The following NCOA2 variants were observed in gnomAD, a reference collection of about 807,000 sequenced individuals.
The protein encoded by NCOA2 is nuclear receptor coactivator 2, also known as class E basic helix-loop-helix protein 75.
In NCOA2, 21 loss-of-function variants were observed where a neutral mutation model predicts 145.1. That is an observed-to-expected ratio of 0.14 (90% CI 0.10 to 0.21). The LOEUF is 0.21. Among genes scored for constraint, NCOA2 ranks in the 10% least tolerant of loss-of-function variants. NCOA2 has a pLI of 1.00. For synonymous variants in NCOA2, 619 were observed against 637.5 expected, an observed-to-expected ratio of 0.97 and a Z score of 0.44; for missense variants, 1,472 against 1,837.6, an observed-to-expected ratio of 0.80 and a Z score of 3.64.
chr8:70,148,747 T>C (rs141469212), intron 11 of NCOA2, among the ~76,000 whole-genome samples: 4 of 152,344 alleles, frequency 2.6e-5, no homozygotes, highest in East Asian at 3.9e-4. Flanking sequence ...TCTTCCAGCA[T>C]TGTGATTTAT....
chr8:70,116,289 C>A (rs553647425), intron 22 of NCOA2, among the ~76,000 whole-genome samples: 1 of 151,792 alleles, frequency 6.6e-6, no homozygotes, highest in African/African-American at 2.4e-5. Flanking sequence ...CAGTGGCTCA[C>A]GCCTGTAATC....
chr8:70,442,147 GAAAGAAAGAAAGA>G, the NCOA2 span, among the ~76,000 whole-genome samples: 1 of 135,450 alleles, frequency 7.4e-6, no homozygotes, highest in African/African-American at 3.3e-5. Context: ...AAGAAAGAAA[GAAAGAAAGAAAGA>G]AAGAGAAAGG....
the NCOA2 span, among the ~76,000 whole-genome samples, chr8:70,440,697 A>G: frequency 1.3e-5 from 2 of 151,652 alleles, no homozygotes; most frequent in South Asian, 4.2e-4. Flanking sequence ...GAGAAAGAGG[A>G]AAGAAAGAAA....
At chr8:70,127,563 G>A (rs1808572992) in intron 18 of NCOA2, among the ~76,000 whole-genome samples, 1 of 152,166 alleles carries the variant, frequency 6.6e-6, no homozygotes, top group South Asian at 2.1e-4. Flanking sequence ...GTGGAGGGTG[G>A]AGAGGGAGGA....
intron 1 of NCOA2, among the ~76,000 whole-genome samples, chr8:70,383,933 C>G (rs1335921035): frequency 6.6e-6 from 1 of 152,232 alleles, no homozygotes; most frequent in Admixed American, 6.5e-5. Flanking sequence ...AAATATCTCA[C>G]CTTTCCCTGT....
At chr8:70,290,597 G>C (rs1826597253) in intron 2 of NCOA2, among the ~76,000 whole-genome samples, 1 of 152,046 alleles carries the variant, frequency 6.6e-6, no homozygotes, top group African/African-American at 2.4e-5. Flanking sequence ...AAAGCTTACT[G>C]TTAATTTCTC....
intron 2 of NCOA2, among the ~76,000 whole-genome samples, chr8:70,287,736 T>C (rs924827945): frequency 4.6e-5 from 7 of 152,202 alleles, no homozygotes; most frequent in Admixed American, 3.3e-4. Context: ...TCTGATAAAA[T>C]AGGCAATTTA....
chr8:70,234,962 A>C (rs1563660742), intron 2 of NCOA2, among the ~76,000 whole-genome samples: 1 of 152,282 alleles, frequency 6.6e-6, no homozygotes, highest in South Asian at 2.1e-4. Flanking sequence ...CAATCCATCA[A>C]TTCTACCTCC....
intron 2 of NCOA2, among the ~76,000 whole-genome samples, chr8:70,242,968 T>C (rs528068516): frequency 3.3e-5 from 5 of 152,100 alleles, no homozygotes; most frequent in Non-Finnish European, 7.4e-5. Flanking sequence ...ATTTGCAAGC[T>C]AGACATCTGG....
At chr8:70,251,596 T>C (rs2134748458) in intron 2 of NCOA2, among the ~76,000 whole-genome samples, 1 of 152,370 alleles carries the variant, frequency 6.6e-6, no homozygotes, top group Admixed American at 6.5e-5. Context: ...AGTCATCTGT[T>C]AACCAGAGTT....
chr8:70,143,142 G>C (rs988003590), intron 13 of NCOA2, among the ~76,000 whole-genome samples: 1 of 152,112 alleles, frequency 6.6e-6, no homozygotes, highest in East Asian at 1.9e-4. Flanking sequence ...TGGAGATGAG[G>C]TTTCACCATG....
At chr8:70,252,497 C>T (rs1261010766) in intron 2 of NCOA2, among the ~76,000 whole-genome samples, 2 of 152,172 alleles carry the variant, frequency 1.3e-5, no homozygotes, top group African/African-American at 2.4e-5. Context: ...GGCTTAATGG[C>T]CCTACATAAC....
At chr8:70,329,826 GT>G (rs1353771492) in intron 1 of NCOA2, among the ~76,000 whole-genome samples, 1 of 152,086 alleles carries the variant, frequency 6.6e-6, no homozygotes, top group Non-Finnish European at 1.5e-5. Context: ...AAAAAAGTAC[GT>G]CTTATATGAT....
At chr8:70,306,487 A>G (rs1046562801) in intron 1 of NCOA2, among the ~76,000 whole-genome samples, 14 of 152,174 alleles carry the variant, frequency 9.2e-5, no homozygotes, top group Non-Finnish European at 1.8e-4. Flanking sequence ...CATAAATAAA[A>G]CTGGATAGAT....
At chr8:70,335,159 C>T (rs535970664) in intron 1 of NCOA2, among the ~76,000 whole-genome samples, 35 of 136,578 alleles carry the variant, frequency 2.6e-4, no homozygotes, top group South Asian at 5.7e-4. Flanking sequence ...AAAAAGATCT[C>T]TCCCTATGAC....
At chr8:70,439,248 A>G in the NCOA2 span, among the ~76,000 whole-genome samples, 54 of 152,298 alleles carry the variant, frequency 3.5e-4, no homozygotes, top group Middle Eastern at 3.4e-3. Context: ...GGGAGTCAAA[A>G]CTAAGTTAAA....
intron 1 of NCOA2, among the ~76,000 whole-genome samples, chr8:70,371,306 A>T (rs1244344914): frequency 6.6e-6 from 1 of 152,062 alleles, no homozygotes; most frequent in African/African-American, 2.4e-5. Flanking sequence ...TAAATAAATA[A>T]ATAAAAATAA....
At position 70,155,971 on chromosome 8, in the gene NCOA2, C is replaced by G; in HGVS notation, c.2394G>C (p.Gln798His). The change falls in exon 11 of 23, where the codon CAG (glutamine) becomes CAC (histidine). Residue 798 changes from glutamine (Q) to histidine (H), a missense_variant and splice_region_variant. By Grantham distance (24) the Gln-to-His change is conservative. Coordinates refer to ENST00000452400, the MANE Select transcript of NCOA2 (RefSeq NM_006540.4). ...TGCGAGAAGATGTGATAAAACTTAC[C>G]TGGTCACCAGGCTCAAAGCTCATCT... ...KEEMSFEPGD[Q>H]PGSELDNLEE... is the part of the protein sequence containing the mutation. 1 of 1,559,462 alleles carries G rather than the reference C, an allele frequency of 6.4e-7. No homozygotes were observed. The highest frequency in any genetic ancestry group is 8.6e-7 in the Non-Finnish European group (1 of 1,156,644).
intron 1 of NCOA2, among the ~76,000 whole-genome samples, chr8:70,323,655 C>T (rs559640067): frequency 6.6e-6 from 1 of 151,962 alleles, no homozygotes; most frequent in African/African-American, 2.4e-5. Flanking sequence ...TTACCATAAA[C>T]GATGTGTAAA....
Sources: allele counts gnomAD v4.1 joint callset (sites outside exome capture counted in the v4.1 genomes callset), GRCh38; gene constraint gnomAD v4.1.1; transcripts MANE v1.5; gene names NCBI Gene and HGNC (gene_info 2026-07-23, HGNC 2026-07-21).